Variants in ZBTB20 observed in about 807,000 individuals in gnomAD.
ZBTB20 encodes the protein zinc finger and BTB domain containing 20.
ZBTB20 carries 9 observed loss-of-function variants against 56.9 expected under a neutral mutation model. The ratio of observed to expected loss-of-function variants is 0.16; its 90% CI spans 0.10 to 0.28. The LOEUF (loss-of-function observed/expected upper bound fraction) is 0.28, where lower values mean the gene tolerates loss of function less well. Ranked by LOEUF, ZBTB20 falls within the 10% of genes least tolerant of loss-of-function variation. The pLI, the probability that ZBTB20 is intolerant of heterozygous loss-of-function variation, is 1.00. For synonymous variants in ZBTB20, 417 were observed against 420.7 expected (o/e 0.99, Z 0.11); for missense variants, 655 against 1,003.0 (o/e 0.65, Z 4.69).
At chr3:114,706,652 T>C (rs757022388) in intron 5 of ZBTB20, among the ~76,000 whole-genome samples, 17 of 152,208 alleles carry the variant, frequency 1.1e-4, no homozygotes, top group Non-Finnish European at 1.8e-4. Context: ...TTTTAACATC[T>C]AAATCCCACA....
At chr3:114,909,697 T>C (rs951822023) in intron 3 of ZBTB20, among the ~76,000 whole-genome samples, 20 of 151,996 alleles carry the variant, frequency 1.3e-4, no homozygotes, top group Admixed American at 9.9e-4. Context: ...GTACACTCTA[T>C]GATGCTCACA....
intron 2 of ZBTB20, among the ~76,000 whole-genome samples, chr3:115,007,393 AATGTGTTTT>A (rs2079519760): frequency 6.6e-6 from 1 of 151,834 alleles, no homozygotes; most frequent in African/African-American, 2.4e-5. Context: ...TATTTTAAAC[AATGTGTTTT>A]ATGTGTTTTT....
intron 6 of ZBTB20, among the ~76,000 whole-genome samples, chr3:114,597,710 T>A (rs1013305903): frequency 4.6e-5 from 7 of 152,160 alleles, no homozygotes; most frequent in African/African-American, 1.2e-4. Context: ...TTTACTAGCA[T>A]CACAAAAAGC....
intron 2 of ZBTB20, among the ~76,000 whole-genome samples, chr3:115,064,779 T>C (rs1207651119): frequency 1.3e-5 from 2 of 152,162 alleles, no homozygotes; most frequent in Non-Finnish European, 2.9e-5. Context: ...AAGCCACATC[T>C]TCTAGCTTTG....
chr3:114,957,751 T>C (rs957554471), intron 3 of ZBTB20, among the ~76,000 whole-genome samples: 10 of 152,222 alleles, frequency 6.6e-5, no homozygotes, highest in Admixed American at 2.6e-4. Flanking sequence ...TATGAATCCA[T>C]AGACAAAAGG....
intron 4 of ZBTB20, among the ~76,000 whole-genome samples, chr3:114,860,778 G>A (rs115995393): frequency 0.024 from 3,649 of 152,272 alleles, 53 homozygotes; most frequent in South Asian, 0.051. Flanking sequence ...AGCATCTTCA[G>A]GGACTAAAGT....
At chr3:114,844,330 AATATATATATATATATATATATATATAT>A (rs71146341) in intron 4 of ZBTB20, among the ~76,000 whole-genome samples, 8 of 99,266 alleles carry the variant, frequency 8.1e-5, no homozygotes, top group African/African-American at 3.6e-4. Flanking sequence ...TACTGGAGTA[AATATATATATATATATATATATATATAT>A]ATATATATAT....
At chr3:115,060,534 A>C (rs1209546289) in intron 2 of ZBTB20, among the ~76,000 whole-genome samples, 1 of 152,134 alleles carries the variant, frequency 6.6e-6, no homozygotes, top group Non-Finnish European at 1.5e-5. Flanking sequence ...TAGCTTCTAT[A>C]CTAAGCAATT....
intron 7 of ZBTB20, among the ~76,000 whole-genome samples, chr3:114,446,734 C>T (rs1004548395): frequency 2.6e-5 from 4 of 152,142 alleles, no homozygotes; most frequent in Non-Finnish European, 2.9e-5. Flanking sequence ...GTTTGGCCTA[C>T]GGCGGCTGCT....
intron 6 of ZBTB20, among the ~76,000 whole-genome samples, chr3:114,626,196 G>A (rs1214805051): frequency 2.0e-5 from 3 of 152,122 alleles, no homozygotes; most frequent in Non-Finnish European, 4.4e-5. Flanking sequence ...GATGTATATG[G>A]GTAAGGAAAT....
chr3:114,868,755 G>T (rs1362932758), intron 4 of ZBTB20, among the ~76,000 whole-genome samples: 6 of 152,078 alleles, frequency 3.9e-5, no homozygotes, highest in Non-Finnish European at 5.9e-5. Flanking sequence ...TGTATCAATA[G>T]AATCCTTCCA....
At chr3:114,781,779 C>G (rs578170402) in intron 5 of ZBTB20, among the ~76,000 whole-genome samples, 12 of 152,206 alleles carry the variant, frequency 7.9e-5, no homozygotes, top group South Asian at 6.2e-4. Context: ...CCATACTGTT[C>G]TCGTGGTAGT....
At chr3:114,456,173 C>T (rs577789392) in intron 7 of ZBTB20, among the ~76,000 whole-genome samples, 1 of 151,184 alleles carries the variant, frequency 6.6e-6, no homozygotes, top group East Asian at 1.9e-4. Flanking sequence ...AATACATTTC[C>T]ACTTTATATA....
At chr3:114,818,401 C>G (rs1411161027) in intron 4 of ZBTB20, among the ~76,000 whole-genome samples, 1 of 151,912 alleles carries the variant, frequency 6.6e-6, no homozygotes, top group African/African-American at 2.4e-5. Context: ...TATGCTAAGT[C>G]CTTTGCTGAA....
chr3:115,132,450 T>TG, intron 1 of ZBTB20, among the ~76,000 whole-genome samples: 1 of 152,186 alleles, frequency 6.6e-6, no homozygotes, highest in Non-Finnish European at 1.5e-5. Flanking sequence ...TTTTAGACCA[T>TG]ATATCATCAG....
intron 5 of ZBTB20, among the ~76,000 whole-genome samples, chr3:114,756,825 T>C (rs1233475873): frequency 6.6e-6 from 1 of 152,174 alleles, no homozygotes; most frequent in African/African-American, 2.4e-5. Flanking sequence ...CATATTGATA[T>C]GTCCTTATAC....
chr3:115,094,884 T>C (rs1001896007), intron 1 of ZBTB20, among the ~76,000 whole-genome samples: 1 of 152,092 alleles, frequency 6.6e-6, no homozygotes, highest in Non-Finnish European at 1.5e-5. Context: ...TTCGTAATTA[T>C]TACCATTTCT....
At chr3:114,462,395 T>G (rs898137642) in intron 7 of ZBTB20, among the ~76,000 whole-genome samples, 1 of 152,252 alleles carries the variant, frequency 6.6e-6, no homozygotes. Flanking sequence ...TCTACCTTTC[T>G]ATTTATCAGG....
intron 4 of ZBTB20, among the ~76,000 whole-genome samples, chr3:114,819,966 T>A (rs1444288641): frequency 6.6e-6 from 1 of 152,046 alleles, no homozygotes; most frequent in South Asian, 2.1e-4. Context: ...AAACTAGTTA[T>A]TTTGCCTGCA....
Sources: allele counts gnomAD v4.1 joint callset (sites outside exome capture counted in the v4.1 genomes callset), GRCh38; gene constraint gnomAD v4.1.1; transcripts MANE v1.5; gene names NCBI Gene and HGNC (gene_info 2026-07-23, HGNC 2026-07-21).